Variants in SLC28A3 observed in about 807,000 individuals in gnomAD.
SLC28A3 encodes solute carrier family 28 member 3, also known as concentrative Na(+)-nucleoside cotransporter 3.
In SLC28A3, 68 loss-of-function variants were observed where a neutral mutation model predicts 84.2. That is an observed-to-expected ratio of 0.81 (90% CI 0.66 to 0.99). The LOEUF (loss-of-function observed/expected upper bound fraction) is 0.99. Ranked by LOEUF, SLC28A3 falls within the 50% of genes least tolerant of loss-of-function variation. The probability of loss-of-function intolerance (pLI) is 0.00; values close to 1 mark genes in which losing one functional copy is unlikely to be tolerated. For missense variants in SLC28A3, 712 were observed against 841.5 expected (o/e 0.85, Z 1.90); for synonymous variants, 267 against 303.6 (o/e 0.88, Z 1.25).
the SLC28A3 span, among the ~76,000 whole-genome samples, chr9:84,346,962 G>A: frequency 6.6e-6 from 1 of 152,082 alleles, no homozygotes; most frequent in African/African-American, 2.4e-5. Context: ...ATTACTTGAG[G>A]TAAGGAGTTC....
chr9:84,312,991 G>A (rs1826041181), intron 2 of SLC28A3, among the ~76,000 whole-genome samples: 1 of 152,192 alleles, frequency 6.6e-6, no homozygotes. Flanking sequence ...ACTAAGGAAT[G>A]CGAGTGCATG....
intron 1 of SLC28A3, among the ~76,000 whole-genome samples, chr9:84,328,482 G>A (rs187670574): frequency 6.6e-6 from 1 of 151,962 alleles, no homozygotes. Context: ...AGTTAGGCAG[G>A]GTGTGGTGGC....
At position 84,285,924 on chromosome 9, in the gene SLC28A3, G is replaced by A. The variant is rs1196272881; in HGVS notation, c.1449+19C>T. The stretch of plus-strand genomic sequence containing the variant: ...TAGGCAGAAACAAAACAGAGGGCAG[G>A]GGCGTGATGTGATTATACCTCAAAA... On this transcript the variant is annotated intron_variant, in intron 13 of 17. Transcript: ENST00000376238. The A allele has an allele frequency of 3.1e-6, 5 of 1,603,158 alleles. No individual in the cohort carries two copies. Among genetic ancestry groups the A allele is most frequent in the African/African-American group, 1.3e-5 (1 of 74,584 alleles).
At chr9:84,303,899 G>A (rs1445034639) in intron 4 of SLC28A3, among the ~76,000 whole-genome samples, 1 of 152,072 alleles carries the variant, frequency 6.6e-6, no homozygotes, top group East Asian at 1.9e-4. Flanking sequence ...TCCCCCTATA[G>A]CTTATTGAAT....
chr9:84,361,235 C>G, the SLC28A3 span, among the ~76,000 whole-genome samples: 1 of 151,872 alleles, frequency 6.6e-6, no homozygotes, highest in Non-Finnish European at 1.5e-5. Context: ...ATCCCAGTTA[C>G]TCGGGAGGCT....
intron 10 of SLC28A3, among the ~76,000 whole-genome samples, chr9:84,291,804 G>A (rs139148054): frequency 8.8e-4 from 134 of 152,288 alleles, no homozygotes; most frequent in Non-Finnish European, 1.4e-3. Flanking sequence ...GCTGGCAAGC[G>A]TTCATACCTG....
At position 84,277,170 on chromosome 9, in the gene SLC28A3, A is replaced by G. The variant is rs1824554077; in HGVS notation, c.*1048T>C. On this transcript the variant is annotated 3_prime_UTR_variant, in exon 18 of 18. Coordinates refer to ENST00000376238, the MANE Select transcript of SLC28A3 (RefSeq NM_001199633.2). ...GTAGCTGCTTTGTCACCAGGAATAC[A>G]TTACCAAATGTGCAGATGAATAGGC... 1 of 152,226 alleles carries G rather than the reference A, an allele frequency of 6.6e-6. No individual in the cohort carries two copies. Among genetic ancestry groups the G allele is most frequent in the Non-Finnish European group, 1.5e-5 (1 of 68,040 alleles). 9.4% of individuals were successfully genotyped at this position (152,226 alleles called of 1,614,324 possible). A position where few individuals can be genotyped will look rare whatever the true frequency, so the allele number is the denominator to read the frequency against.
the SLC28A3 span, among the ~76,000 whole-genome samples, chr9:84,362,420 T>C: frequency 9.2e-5 from 14 of 152,188 alleles, no homozygotes; most frequent in African/African-American, 3.4e-4. Context: ...TTGCCTGAGG[T>C]AAGGGGTTGA....
intron 3 of SLC28A3, among the ~76,000 whole-genome samples, chr9:84,309,022 A>G (rs1168641627): frequency 6.6e-6 from 1 of 152,172 alleles, no homozygotes; most frequent in African/African-American, 2.4e-5. Flanking sequence ...TATGGACTGG[A>G]GCAATTATTT....
chr9:84,294,408 T>C, intron 8 of SLC28A3, 133 bp from the exon 9 acceptor site: 1 of 783,364 alleles, frequency 1.3e-6, no homozygotes. Flanking sequence ...TCTTGAACTT[T>C]AATCAGGCAG....
the SLC28A3 span, among the ~76,000 whole-genome samples, chr9:84,363,249 G>A: frequency 6.6e-6 from 1 of 152,180 alleles, no homozygotes; most frequent in Admixed American, 6.5e-5. Context: ...ATTGAACGAA[G>A]GTACAGGAGC....
intron 5 of SLC28A3, among the ~76,000 whole-genome samples, chr9:84,301,215 T>C (rs1032580960): frequency 4.6e-5 from 7 of 151,606 alleles, no homozygotes; most frequent in African/African-American, 1.7e-4. Context: ...TAGCTGGGTA[T>C]GGCGGTACAT....
intron 2 of SLC28A3, among the ~76,000 whole-genome samples, 192 bp from the exon 3 acceptor site, chr9:84,309,906 C>T (rs1156811408): frequency 6.6e-6 from 1 of 152,128 alleles, no homozygotes; most frequent in East Asian, 1.9e-4. Flanking sequence ...CAAAAAATGC[C>T]AGGTTCATAC....
chr9:84,278,496 G>C, intron 17 of SLC28A3, 152 bp from the exon 18 acceptor site: 1 of 984,262 alleles, frequency 1.0e-6, no homozygotes, highest in Admixed American at 3.0e-5. Flanking sequence ...AGACACTGGG[G>C]AATTTGTTTT....
chr9:84,318,951 T>C (rs532238495), intron 1 of SLC28A3, among the ~76,000 whole-genome samples: 2 of 152,076 alleles, frequency 1.3e-5, no homozygotes, highest in African/African-American at 4.8e-5. Flanking sequence ...ATACAAATGA[T>C]AAACGGAGAA....
chr9:84,312,472 A>T (rs1328367069), intron 2 of SLC28A3, among the ~76,000 whole-genome samples: 1 of 151,802 alleles, frequency 6.6e-6, no homozygotes, highest in African/African-American at 2.4e-5. Context: ...TGTCTACTTT[A>T]AAAAAAAGTG....
chr9:84,318,210 C>T (rs1826239044), intron 1 of SLC28A3, among the ~76,000 whole-genome samples: 2 of 152,134 alleles, frequency 1.3e-5, no homozygotes, highest in Non-Finnish European at 2.9e-5. Context: ...TCTTGTTTTA[C>T]CTGCCTGCCT....
intron 1 of SLC28A3, among the ~76,000 whole-genome samples, chr9:84,321,116 A>G (rs1003946995): frequency 1.3e-5 from 2 of 152,182 alleles, no homozygotes; most frequent in Admixed American, 1.3e-4. Context: ...TTGAAGTTCT[A>G]AAGATGTGAC....
At chr9:84,320,807 T>C (rs1445263500) in intron 1 of SLC28A3, among the ~76,000 whole-genome samples, 1 of 151,866 alleles carries the variant, frequency 6.6e-6, no homozygotes, top group Non-Finnish European at 1.5e-5. Context: ...CTGGCCAACA[T>C]GGCGAAACCC....
Sources: gnomAD v4.1 joint callset for allele counts (sites outside exome capture counted in the v4.1 genomes callset) on GRCh38, gnomAD v4.1.1 for gene constraint, MANE v1.5 for transcripts, NCBI Gene and HGNC (gene_info 2026-07-23, HGNC 2026-07-21) for gene names.